KIFAP3: variants seen among roughly 807,000 people sequenced by gnomAD.
KIFAP3 encodes the protein kinesin-associated protein 3.
KIFAP3 carries 68 observed loss-of-function variants against 106.5 expected under a neutral mutation model. The observed-to-expected ratio is 0.64, with a 90% CI of 0.53 to 0.78. The LOEUF is 0.78. Ranked by LOEUF, KIFAP3 falls within the 30% of genes least tolerant of loss-of-function variation. The pLI, the probability that KIFAP3 is intolerant of heterozygous loss-of-function variation, is 0.00. For synonymous variants in KIFAP3, 320 were observed against 311.5 expected (o/e 1.03, Z -0.29); for missense variants, 780 against 941.8 (o/e 0.83, Z 2.25).
upstream of KIFAP3, among the ~76,000 whole-genome samples, chr1:170,077,415 A>G (rs1671942834): frequency 6.6e-6 from 1 of 152,224 alleles, no homozygotes; most frequent in East Asian, 1.9e-4. Flanking sequence ...GAATGAATGA[A>G]TACATTTGAA....
At chr1:169,981,132 CA>C (rs1245622117) in intron 15 of KIFAP3, among the ~76,000 whole-genome samples, 1 of 152,006 alleles carries the variant, frequency 6.6e-6, no homozygotes, top group Non-Finnish European at 1.5e-5. Context: ...AACAAACAAA[CA>C]AAAAGAAGTG....
At chr1:170,035,689 C>T (rs980791377) in intron 5 of KIFAP3, 136 bp from the exon 6 acceptor site, 7 of 514,106 alleles carry the variant, frequency 1.4e-5, no homozygotes, top group Admixed American at 1.2e-4. Context: ...TGCTTCTTTC[C>T]AATACAGACA....
intron 1 of KIFAP3, among the ~76,000 whole-genome samples, chr1:170,061,246 T>G (rs1159784434): frequency 1.3e-5 from 2 of 152,008 alleles, no homozygotes; most frequent in Non-Finnish European, 2.9e-5. Context: ...TGGGAGAAAA[T>G]TTTTGCAATC....
intron 9 of KIFAP3, among the ~76,000 whole-genome samples, chr1:170,021,551 T>C (rs1290058858): frequency 1.3e-5 from 2 of 150,296 alleles, no homozygotes; most frequent in Non-Finnish European, 3.0e-5. Flanking sequence ...GCAATTCTCC[T>C]GCCTCAGCCT....
In KIFAP3 at chr1:169,983,262, A is replaced by T. The variant is rs746514401; in HGVS notation, c.1506+8T>A. The T allele has an allele frequency of 3.9e-6, 6 of 1,520,922 alleles. No individual in the cohort carries two copies. The South Asian group carries it at 4.7e-5, about 12-fold the overall frequency. 94.2% of individuals were successfully genotyped at this position (1,520,922 alleles called of 1,614,324 possible). A position where few individuals can be genotyped will look rare whatever the true frequency, so the allele number is the denominator to read the frequency against. ...TCTATTTGAATAGAAAGCCAAAATG[A>T]TACTTACAATAAACAGATTTTTAGT... On this transcript the variant is annotated splice_region_variant and intron_variant, in intron 13 of 19. Coordinates refer to ENST00000361580, the MANE Select transcript of KIFAP3 (RefSeq NM_014970.4).
At chr1:170,027,014 C>CTTTTTT (rs71125222) in intron 8 of KIFAP3, among the ~76,000 whole-genome samples, 6 of 64,366 alleles carry the variant, frequency 9.3e-5, no homozygotes, top group African/African-American at 1.8e-4. Context: ...TGTCTTGCTT[C>CTTTTTT]TTTTTTTTTT....
intron 10 of KIFAP3, among the ~76,000 whole-genome samples, chr1:170,014,127 G>C (rs774178350): frequency 2.9e-4 from 44 of 152,050 alleles, no homozygotes; most frequent in Non-Finnish European, 5.9e-4. Flanking sequence ...ATTACAGCAG[G>C]CTACTGATCT....
At chr1:170,070,199 A>G (rs1263316287) in intron 1 of KIFAP3, among the ~76,000 whole-genome samples, 1 of 152,164 alleles carries the variant, frequency 6.6e-6, no homozygotes, top group Non-Finnish European at 1.5e-5. Context: ...GGACTGAAGG[A>G]CTTAATATTG....
intron 8 of KIFAP3, among the ~76,000 whole-genome samples, chr1:170,027,675 G>T (rs192596696): frequency 5.3e-5 from 8 of 152,202 alleles, no homozygotes; most frequent in Admixed American, 5.2e-4. Context: ...TGACAAAAAT[G>T]TAGAGTATCA....
chr1:170,048,377 A>G (rs936196335), intron 2 of KIFAP3, among the ~76,000 whole-genome samples: 91 of 151,718 alleles, frequency 6.0e-4, no homozygotes, highest in African/African-American at 2.0e-3. Context: ...TGCACATCAG[A>G]AGGCATAGAG....
chr1:170,019,234 G>A (rs1019374346), intron 9 of KIFAP3, among the ~76,000 whole-genome samples: 6 of 151,974 alleles, frequency 3.9e-5, no homozygotes, highest in Non-Finnish European at 7.4e-5. Flanking sequence ...CTTTTTACTG[G>A]TGAATTCTAT....
chr1:169,972,498 A>AAAAT lies in KIFAP3; in HGVS notation c.1983+11_1983+14dup, dbSNP rs1405200464. 8.0e-7 allele frequency: 1 copy of AAAAT among 1,246,534 alleles called. No homozygotes were observed. Among genetic ancestry groups the AAAAT allele is most frequent in the Admixed American group, 1.8e-5 (1 of 54,492 alleles). The allele number at this position is 1,246,534 out of a possible 1,614,324, so 77.2% of individuals were successfully genotyped here. A position where few individuals can be genotyped will look rare whatever the true frequency, so the allele number is the denominator to read the frequency against. On this transcript the variant is annotated intron_variant, in intron 17 of 19. Coordinates refer to ENST00000361580, the MANE Select transcript of KIFAP3 (RefSeq NM_014970.4). The stretch of plus-strand genomic sequence containing the variant: ...GAAGTCAATTATACTTTGTGTAGAA[A>AAAAT]AAATAATTACTTACCGCTATAATAT...
intron 19 of KIFAP3, among the ~76,000 whole-genome samples, chr1:169,925,498 T>C (rs1178122860): frequency 6.6e-6 from 1 of 151,902 alleles, no homozygotes; most frequent in Non-Finnish European, 1.5e-5. Context: ...GAGTGTGTTT[T>C]TTTAAATAAA....
chr1:170,024,161 C>G (rs1375632680), intron 9 of KIFAP3: 1 of 248,898 alleles, frequency 4.0e-6, no homozygotes, highest in East Asian at 7.7e-5. Context: ...AACAAACTTT[C>G]TATATATTAT....
chr1:170,024,794 T>TGTGTGTG, intron 8 of KIFAP3, 198 bp from the exon 9 acceptor site: 1 of 377,656 alleles, frequency 2.6e-6, no homozygotes, highest in Non-Finnish European at 4.7e-6. Flanking sequence ...TGTGTGTGTG[T>TGTGTGTG]TATCTAAAAC....
chr1:170,034,700 A>G (rs1021237319), intron 6 of KIFAP3, among the ~76,000 whole-genome samples: 1 of 151,900 alleles, frequency 6.6e-6, no homozygotes, highest in African/African-American at 2.4e-5. Context: ...TACCTAAAAT[A>G]GTTATTTTTA....
chr1:170,055,585 TTC>T (rs1402219259), intron 1 of KIFAP3, 149 bp from the exon 2 acceptor site: 1 of 532,182 alleles, frequency 1.9e-6, no homozygotes, highest in Non-Finnish European at 3.2e-6. Flanking sequence ...ATAACTCTTT[TTC>T]TCTGTTTTAT....
At chr1:169,926,603 TTATA>T (rs780994230) in intron 19 of KIFAP3, among the ~76,000 whole-genome samples, 3 of 151,842 alleles carry the variant, frequency 2.0e-5, no homozygotes, top group African/African-American at 7.3e-5. Flanking sequence ...TAACATTGAG[TTATA>T]TATAGTTATA....
chr1:169,951,128 C>T (rs1410744602), intron 19 of KIFAP3, among the ~76,000 whole-genome samples: 1 of 151,868 alleles, frequency 6.6e-6, no homozygotes, highest in Non-Finnish European at 1.5e-5. Flanking sequence ...CCGTCTGTGG[C>T]TCTGCTGATA....
Sources: allele counts gnomAD v4.1 joint callset (sites outside exome capture counted in the v4.1 genomes callset), GRCh38; gene constraint gnomAD v4.1.1; transcripts MANE v1.5; gene names NCBI Gene and HGNC (gene_info 2026-07-23, HGNC 2026-07-21).